PRR5L: variants seen among roughly 807,000 people sequenced by gnomAD.
The protein encoded by PRR5L is proline rich 5 like, also known as proline-rich protein 5-like.
Under a neutral mutation model 36.4 loss-of-function variants are expected in PRR5L, and 21 were observed. The ratio of observed to expected loss-of-function variants is 0.58; its 90% CI spans 0.41 to 0.83. The LOEUF (loss-of-function observed/expected upper bound fraction) is 0.83. PRR5L is among the 40% of genes least tolerant of loss of function. The pLI is 0.00. For synonymous variants in PRR5L, 188 were observed against 197.0 expected, an observed-to-expected ratio of 0.95 and a Z score of 0.38; for missense variants, 381 against 473.3, an observed-to-expected ratio of 0.80 and a Z score of 1.81.
At chr11:36,418,103 C>T (rs553662973) in intron 3 of PRR5L, among the ~76,000 whole-genome samples, 24 of 152,182 alleles carry the variant, frequency 1.6e-4, no homozygotes, top group African/African-American at 4.3e-4. Context: ...TATTTATTAA[C>T]GTGCTATCTA....
chr11:36,355,981 A>G (rs1857023461), intron 1 of PRR5L, among the ~76,000 whole-genome samples: 1 of 151,820 alleles, frequency 6.6e-6, no homozygotes, highest in African/African-American at 2.4e-5. Flanking sequence ...TGGCACAAAC[A>G]GCTCACTGCA....
chr11:36,443,232 A>G (rs1431415096), intron 6 of PRR5L, among the ~76,000 whole-genome samples: 1 of 152,170 alleles, frequency 6.6e-6, no homozygotes, highest in African/African-American at 2.4e-5. Context: ...GAGAGAAGGA[A>G]GCAAGAGATG....
chr11:36,403,436 G>C (rs1360612822), intron 3 of PRR5L, 58 bp downstream of exon 3: 4 of 1,377,908 alleles, frequency 2.9e-6, no homozygotes, highest in Non-Finnish European at 3.1e-6. Context: ...CAGGGGCATA[G>C]GGGCTACCGC....
rs114529519 is a variant in PRR5L at position 36,448,963 on chromosome 11, G to A, written c.586-2246G>A. Among the ~76,000 whole-genome samples the A allele has an allele frequency of 1.7e-3, 255 of 152,266 alleles. 1 individual carries two copies. Among genetic ancestry groups the A allele is most frequent in the African/African-American group, 5.8e-3 (239 of 41,556 alleles). ...TCTAGGCAACTACTGCCTCCCTTCT[G>A]CAGTCTCCCAGGGTACTTGGAAACG... On this transcript the variant is annotated intron_variant, in intron 7 of 8. Coordinates refer to ENST00000530639, the MANE Select transcript of PRR5L (RefSeq NM_001160167.2).
rs1857696847 is a variant in PRR5L at position 36,397,777 on chromosome 11, C to T, written c.-125-3220C>T. 2.6e-5 allele frequency among the ~76,000 whole-genome samples: 4 copies of T among 151,370 alleles called. No individual in the cohort carries two copies. In the South Asian group the frequency reaches 6.3e-4, roughly 24 times the overall value. On this transcript the variant is annotated intron_variant, in intron 1 of 8. Transcript: ENST00000530639. ...TGCCTTCTTAATTCTTTTCCTTCAT[C>T]TTTTTCTTTCTTTTCTTTCTTTTTT...
intron 5 of PRR5L, among the ~76,000 whole-genome samples, chr11:36,434,680 C>T (rs1858569089): frequency 6.6e-6 from 1 of 152,176 alleles, no homozygotes; most frequent in Non-Finnish European, 1.5e-5. Flanking sequence ...TCACCTAGAA[C>T]CATCCATCCA....
At chr11:36,310,256 GCAT>G (rs1175895276) in intron 1 of PRR5L, among the ~76,000 whole-genome samples, 4 of 152,020 alleles carry the variant, frequency 2.6e-5, no homozygotes, top group Non-Finnish European at 5.9e-5. Flanking sequence ...GGCAGCAAGC[GCAT>G]CAAGAACTCC....
chr11:36,382,119 C>G (rs1450388272), intron 1 of PRR5L, among the ~76,000 whole-genome samples: 1 of 152,188 alleles, frequency 6.6e-6, no homozygotes, highest in African/African-American at 2.4e-5. Flanking sequence ...GATCGCGCCA[C>G]TTCACTCCAG....
At chr11:36,461,778 C>T (rs1237513309) in intron 8 of PRR5L, among the ~76,000 whole-genome samples, 1 of 152,112 alleles carries the variant, frequency 6.6e-6, no homozygotes, top group African/African-American at 2.4e-5. Context: ...GGTCTGAGAC[C>T]CTTCACCTGG....
chr11:36,448,988 G>A (rs150126305), intron 7 of PRR5L, among the ~76,000 whole-genome samples: 2,402 of 152,232 alleles, frequency 0.016, 23 homozygotes, highest in Non-Finnish European at 0.023. Context: ...ACTTGGAAAC[G>A]CCCCACAGGC....
chr11:36,419,928 A>T (rs1858227353), intron 4 of PRR5L, among the ~76,000 whole-genome samples: 2 of 152,138 alleles, frequency 1.3e-5, no homozygotes, highest in Admixed American at 1.3e-4. Flanking sequence ...CCCCCAGGGG[A>T]CCCTGAATCA....
rs142114791 is a variant in PRR5L at position 36,446,304 on chromosome 11, A to G, written c.449A>G (p.Gln150Arg). The G allele has an allele frequency of 9.9e-6, 16 of 1,613,522 alleles. No individual in the cohort carries two copies. In the African/African-American group the frequency reaches 2.1e-4, roughly 22 times the overall value. The change falls in exon 7 of 9, where the codon CAG (glutamine) becomes CGG (arginine). Residue 150 changes from glutamine to arginine, a missense_variant. By Grantham distance (43) the Gln-to-Arg change is conservative. Transcript: ENST00000530639. ...TCTCTCCTCTGTCCCCTCTAGGGCC[A>G]GGAGCTGACTATCCGCCAGATCTCC... is the stretch of plus-strand genomic sequence containing the variant. ...LQAIFYPVQG[Q>R]ELTIRQISLL... is the part of the protein sequence containing the mutation.
At chr11:36,374,547 T>C (rs1419698993) in intron 1 of PRR5L, among the ~76,000 whole-genome samples, 1 of 152,060 alleles carries the variant, frequency 6.6e-6, no homozygotes, top group Non-Finnish European at 1.5e-5. Context: ...AAATAAAACT[T>C]GAAGGAGATT....
At chr11:36,452,824 G>A (rs180764289) in intron 8 of PRR5L, among the ~76,000 whole-genome samples, 26 of 152,334 alleles carry the variant, frequency 1.7e-4, no homozygotes, top group African/African-American at 5.5e-4. Context: ...TAAGCTCTTA[G>A]TTGGAACAGA....
intron 1 of PRR5L, among the ~76,000 whole-genome samples, chr11:36,340,451 G>C (rs192079485): frequency 2.0e-5 from 3 of 152,146 alleles, no homozygotes; most frequent in African/African-American, 4.8e-5. Context: ...TACAGAGTGC[G>C]CATGCATATA....
chr11:36,384,097 C>T (rs1208347853), intron 1 of PRR5L, among the ~76,000 whole-genome samples: 4 of 152,174 alleles, frequency 2.6e-5, no homozygotes, highest in Non-Finnish European at 4.4e-5. Flanking sequence ...TCATCCTACA[C>T]CTGGTCTTTC....
chr11:36,433,843 C>A (rs1369704360), intron 5 of PRR5L, among the ~76,000 whole-genome samples: 1 of 152,200 alleles, frequency 6.6e-6, no homozygotes, highest in Non-Finnish European at 1.5e-5. Context: ...GTGCCCAGCC[C>A]TCTTTTGCAT....
intron 1 of PRR5L, among the ~76,000 whole-genome samples, chr11:36,328,333 A>G (rs1026473179): frequency 6.6e-5 from 10 of 152,230 alleles, no homozygotes; most frequent in African/African-American, 1.7e-4. Context: ...GTAATCCCCA[A>G]TGTTGGAGGT....
chr11:36,339,306 C>A (rs1413277316), intron 1 of PRR5L, among the ~76,000 whole-genome samples: 1 of 152,226 alleles, frequency 6.6e-6, no homozygotes, highest in Non-Finnish European at 1.5e-5. Flanking sequence ...GTTGGCCAGG[C>A]TGGTCTGAAA....
Sources: allele counts gnomAD v4.1 joint callset (sites outside exome capture counted in the v4.1 genomes callset), GRCh38; gene constraint gnomAD v4.1.1; transcripts MANE v1.5; gene names NCBI Gene and HGNC (gene_info 2026-07-23, HGNC 2026-07-21).